CAMTA1: variants seen among roughly 807,000 people sequenced by gnomAD.
CAMTA1 encodes calmodulin-binding transcription activator 1.
In CAMTA1, 27 loss-of-function variants were observed where a neutral mutation model predicts 170.9. The ratio of observed to expected loss-of-function variants is 0.16; its 90% confidence interval spans 0.12 to 0.22. The LOEUF (loss-of-function observed/expected upper bound fraction) is 0.22, where lower values mean the gene tolerates loss of function less well. CAMTA1 is among the 10% of genes least tolerant of loss of function. CAMTA1 has a pLI of 1.00. For missense variants in CAMTA1, 1,619 were observed against 2,217.2 expected, an observed-to-expected ratio of 0.73 and a Z score of 5.42; for synonymous variants, 833 against 891.5, an observed-to-expected ratio of 0.93 and a Z score of 1.17.
intron 6 of CAMTA1, among the ~76,000 whole-genome samples, chr1:7,520,642 C>A (rs566299400): frequency 6.6e-6 from 1 of 152,160 alleles, no homozygotes; most frequent in Non-Finnish European, 1.5e-5. Context: ...CCCTTCTGGG[C>A]ACCCAGCTGG....
intron 3 of CAMTA1, among the ~76,000 whole-genome samples, chr1:7,038,465 A>G (rs1227850818): frequency 6.6e-6 from 1 of 152,248 alleles, no homozygotes; most frequent in African/African-American, 2.4e-5. Flanking sequence ...TTTCAAAAAT[A>G]TAACAAAATT....
At chr1:7,243,664 C>T (rs1394341239) in intron 4 of CAMTA1, among the ~76,000 whole-genome samples, 14 of 152,086 alleles carry the variant, frequency 9.2e-5, no homozygotes, top group South Asian at 2.1e-4. Context: ...GGTAGCGTGA[C>T]GCCTCCAGCT....
chr1:7,067,574 GC>G lies in CAMTA1; in HGVS notation c.235-23729del, dbSNP rs1709122442. Among the ~76,000 whole-genome samples the G allele has an allele frequency of 6.6e-6, 1 of 152,146 alleles. No homozygotes were observed. Among genetic ancestry groups the G allele is most frequent in the Non-Finnish European group, 1.5e-5 (1 of 68,034 alleles). ...TGCTGGGAACCATGTTCCTTGCAAG[GC>G]ATACGGCAAAGAACAAGGTAGATAA... On this transcript the variant is annotated intron_variant, in intron 3 of 22. Coordinates refer to ENST00000303635, the MANE Select transcript of CAMTA1 (RefSeq NM_015215.4). The surrounding 1 kb of genome is among the most constrained non-coding windows in gnomAD (Gnocchi z 4.3).
Position 7,664,893 on chromosome 1 carries a change from C to T in CAMTA1, c.2346C>T (p.Ser782=), listed in dbSNP as rs984979941. 2.5e-5 allele frequency: 40 copies of T among 1,613,162 alleles called. No homozygotes were observed. Among genetic ancestry groups the T allele is most frequent in the East Asian group, 1.8e-4 (8 of 44,880 alleles). The change falls in exon 9 of 23, where the codon TCC becomes TCT. Residue 782 remains serine, a synonymous_variant. Transcript: ENST00000303635. Reference sequence around the variant, plus strand: ...CCGACCTGATCAACGACTTCATCTCCGTGGAGGGGGGCAGCAGCACCATCT... The same window carrying T: ...CCGACCTGATCAACGACTTCATCTCTGTGGAGGGGGGCAGCAGCACCATCT... ...QFSDLINDFI[S]VEGGSSTIYG...
At chr1:6,895,391 C>T (rs1417127807) in intron 3 of CAMTA1, among the ~76,000 whole-genome samples, 11 of 152,160 alleles carry the variant, frequency 7.2e-5, no homozygotes. Flanking sequence ...TAGTCCAAGC[C>T]ACCTTCTTTT....
intron 11 of CAMTA1, among the ~76,000 whole-genome samples, chr1:7,691,241 G>T (rs2096307691): frequency 6.6e-6 from 1 of 152,214 alleles, no homozygotes; most frequent in African/African-American, 2.4e-5. Flanking sequence ...CGCAGGAATG[G>T]CACGCGCAGA....
chr1:6,840,294 G>A (rs1412714177), intron 3 of CAMTA1, among the ~76,000 whole-genome samples: 1 of 152,206 alleles, frequency 6.6e-6, no homozygotes, highest in Admixed American at 6.5e-5. Flanking sequence ...GAAGCTTTAT[G>A]TTCAAAGGCT....
At chr1:7,654,240 G>A (rs1429288480) in intron 7 of CAMTA1, among the ~76,000 whole-genome samples, 1 of 151,996 alleles carries the variant, frequency 6.6e-6, no homozygotes, top group Non-Finnish European at 1.5e-5. Flanking sequence ...ACTTAGCCAG[G>A]CGTGGTGGCG....
chr1:6,953,360 G>A (rs866648423), intron 3 of CAMTA1, among the ~76,000 whole-genome samples: 6 of 152,210 alleles, frequency 3.9e-5, no homozygotes, highest in African/African-American at 2.4e-5. Flanking sequence ...TCCAACCCCG[G>A]GAACGTGGCC....
In CAMTA1 at chr1:7,704,093, A is replaced by C. The variant is rs535456030; in HGVS notation, c.2914+26360A>C. Among the ~76,000 whole-genome samples, 1,338 of 149,190 alleles carry C rather than the reference A, an allele frequency of 9.0e-3. 13 individuals are homozygous for C. The highest frequency in any genetic ancestry group is 0.03 in the African/African-American group (1,212 of 40,694). ...CCTCGGGCCCCGGCCCCCTCCCTCC[A>C]GCCTGGCCCCCACGCCTCCCCGCTC... On this transcript the variant is annotated intron_variant, in intron 11 of 22. Transcript: ENST00000303635.
At chr1:6,997,154 T>G (rs1218963730) in intron 3 of CAMTA1, among the ~76,000 whole-genome samples, 1 of 152,200 alleles carries the variant, frequency 6.6e-6, no homozygotes, top group Non-Finnish European at 1.5e-5. Flanking sequence ...AATTTTTTTG[T>G]GAATGTTCTA....
intron 3 of CAMTA1, among the ~76,000 whole-genome samples, chr1:6,898,710 A>C (rs533366276): frequency 6.6e-6 from 1 of 152,312 alleles, no homozygotes; most frequent in South Asian, 2.1e-4. Context: ...GGATATGCTC[A>C]GGAAAGATAC....
At chr1:7,000,207 C>T (rs1415971490) in intron 3 of CAMTA1, among the ~76,000 whole-genome samples, 2 of 152,226 alleles carry the variant, frequency 1.3e-5, no homozygotes, top group East Asian at 1.9e-4. Context: ...GCAGCCTGCT[C>T]ACCCTGGAGC....
intron 3 of CAMTA1, among the ~76,000 whole-genome samples, chr1:7,031,898 A>G (rs1702870998): frequency 6.6e-6 from 1 of 152,102 alleles, no homozygotes; most frequent in African/African-American, 2.4e-5. Flanking sequence ...AATTATCAAT[A>G]TGGTTAAGTT....
intron 5 of CAMTA1, among the ~76,000 whole-genome samples, chr1:7,446,065 A>G (rs894746353): frequency 4.6e-5 from 7 of 151,336 alleles, no homozygotes. Flanking sequence ...TGCTCCACAC[A>G]TTTTCCATCC....
chr1:7,210,253 A>G (rs1022468101), intron 4 of CAMTA1, among the ~76,000 whole-genome samples: 3 of 152,214 alleles, frequency 2.0e-5, no homozygotes, highest in Admixed American at 6.5e-5. Context: ...CCATCAATCA[A>G]TTCTTCAGTC....
rs543551378 is a variant in CAMTA1 at position 6,802,171 on chromosome 1, G to A, written c.45+16596G>A. Among the ~76,000 whole-genome samples the A allele has an allele frequency of 5.3e-5, 8 of 152,302 alleles. No individual in the cohort carries two copies. The South Asian group carries it at 1.5e-3, about 28-fold the overall frequency. ...GTGGGAACTGGATCTGGAGAGTCTG[G>A]AGTACATGTCTTCTCTGGAGCTGGG... On this transcript the variant is annotated intron_variant, in intron 1 of 22. Transcript: ENST00000303635.
intron 5 of CAMTA1, among the ~76,000 whole-genome samples, chr1:7,308,273 A>G (rs1574571324): frequency 6.6e-6 from 1 of 151,264 alleles, no homozygotes; most frequent in Non-Finnish European, 1.5e-5. Context: ...GGAGAAGTTT[A>G]TTAATCTTAT....
chr1:7,305,817 T>G (rs530583781), intron 5 of CAMTA1, among the ~76,000 whole-genome samples: 2 of 152,212 alleles, frequency 1.3e-5, no homozygotes, highest in East Asian at 3.9e-4. Context: ...ATTTTTATTA[T>G]TTTGATTTTG....
Sources: allele counts gnomAD v4.1 joint callset (sites outside exome capture counted in the v4.1 genomes callset), GRCh38; gene constraint gnomAD v4.1.1; non-coding constraint Gnocchi (gnomAD v3.1); transcripts MANE v1.5; gene names NCBI Gene and HGNC (gene_info 2026-07-23, HGNC 2026-07-21).